ALG1: variants seen among roughly 807,000 people sequenced by gnomAD.
ALG1 encodes the protein chitobiosyldiphosphodolichol beta-mannosyltransferase.
Under a neutral mutation model 55.1 loss-of-function variants are expected in ALG1, and 58 were observed. The ratio of observed to expected loss-of-function variants is 1.05; its 90% CI spans 0.85 to 1.31. The LOEUF (loss-of-function observed/expected upper bound fraction) is 1.31, where lower values mean the gene tolerates loss of function less well. Ranked by LOEUF, ALG1 falls within the 50% of genes most tolerant of loss-of-function variation. ALG1 has a pLI of 0.00. For synonymous variants in ALG1, 309 were observed against 247.0 expected (o/e 1.25, Z -2.35); for missense variants, 761 against 598.6 (o/e 1.27, Z -2.83).
Position 5,083,770 on chromosome 16 carries a change from G to C in ALG1, c.1263+13G>C, listed in dbSNP as rs781334770. The C allele has an allele frequency of 1.3e-6, 2 of 1,597,598 alleles. No individual in the cohort carries two copies. The highest frequency in any genetic ancestry group is 2.2e-5 in the South Asian group (2 of 90,992). ...AGCTCAGCTGCAGGTAGCCACGTCTGCCACCACGCCAGGGTGGGGAGGGTT... is the reference window on the plus strand; with the variant it reads ...AGCTCAGCTGCAGGTAGCCACGTCTCCCACCACGCCAGGGTGGGGAGGGTT... On this transcript the variant is annotated intron_variant, in intron 12 of 12. Transcript: ENST00000262374.
chr16:5,082,819 G>T (rs575311593), intron 11 of ALG1, 146 bp downstream of exon 11: 38 of 913,434 alleles, frequency 4.2e-5, no homozygotes, highest in Non-Finnish European at 6.0e-5. Flanking sequence ...GAGCCCTGCG[G>T]TTACTGTGGC....
intron 12 of ALG1, chr16:5,084,207 G>C (rs896084854): frequency 3.5e-6 from 1 of 289,778 alleles, no homozygotes; most frequent in Non-Finnish European, 6.6e-6. Flanking sequence ...CAGGTCGGAA[G>C]TCGTTTAGAC....
rs545936559 is a variant in ALG1 at position 5,078,223 on chromosome 16, A to G, written c.740+206A>G. On this transcript the variant is annotated intron_variant, in intron 6 of 12. Coordinates refer to ENST00000262374, the MANE Select transcript of ALG1 (RefSeq NM_019109.5). ...TGTCTACAGCCGCCTTTGAGCTGCA[A>G]TAGCAGAATCGCGTTTTGCAACAGA... 349 of 724,620 alleles carry G rather than the reference A, an allele frequency of 4.8e-4. 2 individuals are homozygous for G. In the African/African-American group the frequency reaches 5.1e-3, roughly 11 times the overall value. The allele number at this position is 724,620 out of a possible 1,614,324, so 44.9% of individuals were successfully genotyped here.
chr16:5,083,223 C>A (rs539406744), intron 11 of ALG1, among the ~76,000 whole-genome samples: 3 of 152,214 alleles, frequency 2.0e-5, no homozygotes, highest in South Asian at 4.1e-4. Flanking sequence ...GCCCTTGGCC[C>A]CTGCTCAGGA....
chr16:5,082,553 T>C lies in ALG1; in HGVS notation c.1073-6T>C. 6.2e-7 allele frequency: 1 copy of C among 1,611,916 alleles called. No homozygotes were observed. Among genetic ancestry groups the C allele is most frequent in the Non-Finnish European group, 8.5e-7 (1 of 1,179,780 alleles). On this transcript the variant is annotated splice_region_variant and splice_polypyrimidine_tract_variant and intron_variant, in intron 10 of 12. Coordinates refer to ENST00000262374, the MANE Select transcript of ALG1 (RefSeq NM_019109.5). ...AGTGCTCTGACCCACCCCTCTTGCC[T>C]AGCAGGGTCGGCGGACCTGGGTGTC...
Position 5,079,791 on chromosome 16 carries a change from C to T in ALG1, c.945C>T (p.Leu315=), listed in dbSNP as rs766773704. The change falls in exon 9 of 13, where the codon CTC becomes CTT. Residue 315 remains leucine, a synonymous_variant. Transcript: ENST00000262374. Reference sequence around the variant, plus strand: ...TTGATGGACACAACCTTCCTTCTCTCGTCTGTGTGATAACAGGTACTGCCT... The same window carrying T: ...TTGATGGACACAACCTTCCTTCTCTTGTCTGTGTGATAACAGGTACTGCCT... ...LTLDGHNLPS[L]VCVITGKGPL... The T allele has an allele frequency of 9.9e-6, 16 of 1,611,866 alleles. No homozygotes were observed. Among genetic ancestry groups the T allele is most frequent in the South Asian group, 6.6e-5 (6 of 90,984 alleles).
At position 5,083,561 on chromosome 16, in the gene ALG1, C is replaced by A. The variant is rs926264513; in HGVS notation, c.1188-121C>A. The stretch of plus-strand genomic sequence containing the variant: ...TAAGAACCAGCTCCCGGAAACCACA[C>A]CCCCTGTTCCAACCCCCAGCCTGGC... On this transcript the variant is annotated intron_variant, in intron 11 of 12. Transcript: ENST00000262374. 6.4e-6 allele frequency: 10 copies of A among 1,563,140 alleles called. No homozygotes were observed. In the African/African-American group the frequency reaches 9.4e-5, roughly 15 times the overall value.
intron 4 of ALG1, among the ~76,000 whole-genome samples, chr16:5,077,158 T>C (rs1008822684): frequency 6.6e-6 from 1 of 152,190 alleles, no homozygotes; most frequent in Non-Finnish European, 1.5e-5. Flanking sequence ...TCTATTTATT[T>C]TTTTAAATTT....
intron 5 of ALG1, 39 bp from the exon 6 acceptor site, chr16:5,077,868 T>C: frequency 6.3e-7 from 1 of 1,592,330 alleles, no homozygotes; most frequent in African/African-American, 1.3e-5. Context: ...GAGGCCTTTC[T>C]TCAGCCCTCC....
rs1037413561 is a variant in ALG1, at chr16:5,082,657, G to A, written c.1171G>A (p.Ala391Thr). Residue 391 changes from alanine (A) to threonine (T), a missense_variant, in exon 11 of 13, where the codon GCT becomes ACT. Physicochemically the swap from Ala to Thr is moderately conservative, Grantham distance 58 (BLOSUM62 0). Transcript: ENST00000262374. ...DMFGCCLPVC[A>T]VNFKCLHELV... is the part of the protein sequence containing the mutation. ...GTTCGGGTGCTGTTTGCCTGTGTGT[G>A]CTGTGAACTTCAAGTGGTAGGAGCA... 6.2e-7 allele frequency: 1 copy of A among 1,611,586 alleles called. No individual in the cohort carries two copies. The highest frequency in any genetic ancestry group is 1.3e-5 in the African/African-American group (1 of 74,862).
Position 5,077,358 on chromosome 16 carries a change from T to C in ALG1, c.540-87T>C, listed in dbSNP as rs1241690785. 5.4e-5 allele frequency: 66 copies of C among 1,217,462 alleles called. 1 individual carries two copies. The East Asian group carries it at 1.5e-3, about 28-fold the overall frequency. 75.4% of individuals were successfully genotyped at this position (1,217,462 alleles called of 1,614,324 possible). Reference sequence around the variant, plus strand: ...CTCAAACTCTCCCAGCTCTGCGGCCTTTTCTCTGTTGAGGGATGTCGAGTC... The same window carrying C: ...CTCAAACTCTCCCAGCTCTGCGGCCCTTTCTCTGTTGAGGGATGTCGAGTC... On this transcript the variant is annotated intron_variant, in intron 4 of 12. Coordinates refer to ENST00000262374, the MANE Select transcript of ALG1 (RefSeq NM_019109.5).
At chr16:5,081,766 T>G (rs1957020580) in intron 10 of ALG1, among the ~76,000 whole-genome samples, 1 of 151,974 alleles carries the variant, frequency 6.6e-6, no homozygotes, top group Non-Finnish European at 1.5e-5. Context: ...TTCACCATGT[T>G]GGCCAGGCTG....
intron 4 of ALG1, among the ~76,000 whole-genome samples, 153 bp downstream of exon 4, chr16:5,075,689 A>G (rs1956899633): frequency 1.3e-5 from 2 of 152,160 alleles, no homozygotes; most frequent in African/African-American, 4.8e-5. Flanking sequence ...GCTGGTTCCA[A>G]ATGATAGAAA....
In ALG1 at chr16:5,079,399, T is replaced by A. The variant is rs8055679; in HGVS notation, c.901+297T>A. Among the ~76,000 whole-genome samples the A allele has an allele frequency of 0.51, 77,195 of 151,788 alleles. 19,868 individuals carry two copies. Among genetic ancestry groups the A allele is most frequent in the South Asian group, 0.67 (3,219 of 4,806 alleles). ...ACTCTGGCTATTGTTTATTTAAAAA[T>A]TTTTTTCTGAATGGGCATGGTGGCT... is the stretch of plus-strand genomic sequence containing the variant. On this transcript the variant is annotated intron_variant, in intron 8 of 12. Coordinates refer to ENST00000262374, the MANE Select transcript of ALG1 (RefSeq NM_019109.5).
intron 12 of ALG1, 50 bp downstream of exon 12, chr16:5,083,807 C>T (rs768292517): frequency 2.5e-6 from 4 of 1,597,142 alleles, no homozygotes; most frequent in Middle Eastern, 2.3e-4. Context: ...TGGAGACTGG[C>T]ACCGAGCCAG....
At chr16:5,081,190 C>CT (rs1957013293) in intron 10 of ALG1, 134 bp downstream of exon 10, 2 of 1,149,042 alleles carry the variant, frequency 1.7e-6, no homozygotes, top group African/African-American at 3.1e-5. Context: ...CAGGAGGAGG[C>CT]TACTTCCTGG....
chr16:5,077,663 T>G lies in ALG1; in HGVS notation c.629+129T>G, dbSNP rs999260431. The G allele has an allele frequency of 4.5e-6, 5 of 1,123,246 alleles. No homozygotes were observed. In the East Asian group the frequency reaches 1.2e-4, roughly 27 times the overall value. The allele number at this position is 1,123,246 out of a possible 1,614,324, so 69.6% of individuals were successfully genotyped here. On this transcript the variant is annotated intron_variant, in intron 5 of 12. Transcript: ENST00000262374. Reference sequence around the variant, plus strand: ...GAAATACTGAGGGCCTGGGAGGTGGTCTTTGGTTTGGGGAAGCTGGGGGAG... The same window carrying G: ...GAAATACTGAGGGCCTGGGAGGTGGGCTTTGGTTTGGGGAAGCTGGGGGAG...
chr16:5,073,543 A>G, intron 3 of ALG1: 1 of 474,518 alleles, frequency 2.1e-6, no homozygotes, highest in Non-Finnish European at 3.8e-6. Context: ...AGGTAATACA[A>G]GAACCTGTTT....
rs1337794919 is a variant in ALG1 at position 5,086,133 on chromosome 16, C to T, written c.*1252C>T. ...GGCGGATCACTTGAGGTCAGGAGTT[C>T]GAGACCAGCCTGGCCAACATGGTGA... On this transcript the variant is annotated 3_prime_UTR_variant, in exon 13 of 13. Transcript: ENST00000262374. Among the ~76,000 whole-genome samples the T allele has an allele frequency of 1.3e-5, 2 of 152,098 alleles. No homozygotes were observed. Among genetic ancestry groups the T allele is most frequent in the Non-Finnish European group, 2.9e-5 (2 of 67,998 alleles).
Sources: gnomAD v4.1 joint callset for allele counts (sites outside exome capture counted in the v4.1 genomes callset) on GRCh38, gnomAD v4.1.1 for gene constraint, MANE v1.5 for transcripts, NCBI Gene and HGNC (gene_info 2026-07-23, HGNC 2026-07-21) for gene names.